Variants in ZNF780A observed in about 807,000 individuals in gnomAD.
The protein encoded by ZNF780A is zinc finger protein 780A.
A neutral mutation model predicts 56.7 loss-of-function variants in ZNF780A; 40 were observed. That is an observed-to-expected ratio of 0.71 (90% CI 0.55 to 0.92). The LOEUF (loss-of-function observed/expected upper bound fraction) is 0.92, where lower values mean the gene tolerates loss of function less well. ZNF780A is among the 40% of genes least tolerant of loss of function. ZNF780A has a pLI of 0.00. For missense variants in ZNF780A, 672 were observed against 783.3 expected (o/e 0.86, Z 1.70); for synonymous variants, 231 against 248.3 (o/e 0.93, Z 0.66).
chr19:40,080,409 G>A (rs896897763), intron 5 of ZNF780A, among the ~76,000 whole-genome samples: 5 of 152,162 alleles, frequency 3.3e-5, no homozygotes, highest in African/African-American at 1.2e-4. Flanking sequence ...ATTCATAATA[G>A]CAAAGACATG....
chr19:40,074,457 T>A lies in ZNF780A; in HGVS notation c.*59A>T, dbSNP rs1377399812. The A allele has an allele frequency of 1.9e-6, 3 of 1,599,540 alleles. No homozygotes were observed. The highest frequency in any genetic ancestry group is 2.6e-6 in the Non-Finnish European group (3 of 1,172,786). On this transcript the variant is annotated 3_prime_UTR_variant, in exon 6 of 6. Transcript: ENST00000683561. ...TCACATGGTTTTACACCAGCACGAA[T>A]ACTCTGATGTTGAACATGGTTTGAG...
chr19:40,083,667 GAAAAAAAAAA>G (rs571135549), intron 3 of ZNF780A, among the ~76,000 whole-genome samples: 3 of 44,670 alleles, frequency 6.7e-5, no homozygotes, highest in South Asian at 7.3e-4. Flanking sequence ...CTGTCTCAGA[GAAAAAAAAAA>G]AAAAAAAAAA....
intron 2 of ZNF780A, among the ~76,000 whole-genome samples, chr19:40,085,994 ATATATG>A (rs908803365): frequency 6.6e-6 from 1 of 151,446 alleles, no homozygotes; most frequent in African/African-American, 2.4e-5. Context: ...ATTTATATAT[ATATATG>A]TGTGTGTGTG....
downstream of ZNF780A, chr19:40,072,778 A>C (rs1973880306): frequency 7.3e-7 from 1 of 1,366,808 alleles, no homozygotes; most frequent in Non-Finnish European, 9.4e-7. Flanking sequence ...CCAGAATTAT[A>C]AGCTAGGGCT....
At chr19:40,069,679 T>C (rs1400733308), downstream of ZNF780A, 1 of 152,160 alleles carries the variant, frequency 6.6e-6, no homozygotes, top group African/African-American at 2.4e-5. Flanking sequence ...TCTAGTATCA[T>C]GTCACACTCA....
chr19:40,086,271 C>A (rs1974790990), intron 2 of ZNF780A, among the ~76,000 whole-genome samples: 1 of 151,978 alleles, frequency 6.6e-6, no homozygotes, highest in Non-Finnish European at 1.5e-5. Flanking sequence ...AAATTGTCTA[C>A]AAGTCCCCAA....
chr19:40,085,451 AC>A (rs1974741220), intron 2 of ZNF780A: 2 of 583,282 alleles, frequency 3.4e-6, no homozygotes, highest in African/African-American at 4.1e-5. Flanking sequence ...TAATATGATT[AC>A]ATTTGTAAAA....
At chr19:40,078,014 T>C (rs1293932986) in intron 5 of ZNF780A, among the ~76,000 whole-genome samples, 3 of 148,418 alleles carry the variant, frequency 2.0e-5, no homozygotes, top group Non-Finnish European at 4.5e-5. Flanking sequence ...AGAAGCTAAG[T>C]GAGATACAAG....
At chr19:40,087,377 G>A (rs1196508049) in intron 2 of ZNF780A, among the ~76,000 whole-genome samples, 3 of 151,998 alleles carry the variant, frequency 2.0e-5, no homozygotes, top group African/African-American at 4.8e-5. Flanking sequence ...CACCCTCCCC[G>A]ACAGCATGAC....
At chr19:40,085,069 T>C (rs1365880529) in intron 2 of ZNF780A, 3 of 884,518 alleles carry the variant, frequency 3.4e-6, no homozygotes, top group Middle Eastern at 5.7e-4. Context: ...TGCCTTGAAG[T>C]TGTGGCTTCC....
At chr19:40,084,693 C>T (rs761090097) in intron 3 of ZNF780A, 52 bp downstream of exon 3, 2 of 1,522,368 alleles carry the variant, frequency 1.3e-6, no homozygotes, top group Admixed American at 4.0e-5. Context: ...ATAACAGTCA[C>T]CTAACCTGAA....
intron 5 of ZNF780A, among the ~76,000 whole-genome samples, chr19:40,079,307 C>A (rs1201843541): frequency 6.6e-6 from 1 of 152,034 alleles, no homozygotes; most frequent in East Asian, 1.9e-4. Flanking sequence ...TCTAAACATA[C>A]TATAATCCCA....
At position 40,075,643 on chromosome 19, in the gene ZNF780A, G is replaced by A; in HGVS notation, c.799C>T (p.His267Tyr). 1 of 1,613,528 alleles carries A rather than the reference G, an allele frequency of 6.2e-7. No homozygotes were observed. The highest frequency in any genetic ancestry group is 8.5e-7 in the Non-Finnish European group (1 of 1,179,862). ...SFNRSSNLVQ[H>Y]QSIHSGVKPY... ...TTTACACCAGAATGAATACTCTGATGTTGAACAAGGTTTGAGCTACGATTA... is the reference window on the plus strand; with the variant it reads ...TTTACACCAGAATGAATACTCTGATATTGAACAAGGTTTGAGCTACGATTA... The change falls in exon 6 of 6, where the codon CAT becomes TAT. Residue 267 changes from histidine (H) to tyrosine (Y), a missense_variant. By Grantham distance (83) the His-to-Tyr change is moderately conservative. Coordinates refer to ENST00000683561, the MANE Select transcript of ZNF780A (RefSeq NM_001142578.2).
In ZNF780A at chr19:40,075,713, G is replaced by A. The variant is rs1442814934; in HGVS notation, c.729C>T (p.His243=). The change falls in exon 6 of 6, where the codon CAC becomes CAT. Residue 243 remains histidine, a synonymous_variant. Coordinates refer to ENST00000683561, the MANE Select transcript of ZNF780A (RefSeq NM_001142578.2). ...TACATTCAAACAGTTTCTCACCTGT[G>A]TGAATGTTCTTATGGCGATTAAGCA... ...LTLLNRHKNI[H]TGEKLFECKE... 1 of 1,613,946 alleles carries A rather than the reference G, an allele frequency of 6.2e-7. No homozygotes were observed. Among genetic ancestry groups the A allele is most frequent in the South Asian group, 1.1e-5 (1 of 91,078 alleles).
chr19:40,074,561 C>A lies in ZNF780A; in HGVS notation c.1881G>T (p.Gln627His). Residue 627 changes from glutamine (Q) to histidine (H), a missense_variant, in exon 6 of 6, where the codon CAG becomes CAT. Physicochemically the swap from Gln to His is conservative, Grantham distance 24. Transcript: ENST00000683561. ...ECGKVFSLPTQLNRHKNIHTG... is the reference protein window; with the variant it reads ...ECGKVFSLPTHLNRHKNIHTG... ...TGTGAATGTTCTTATGGCGATTAAGCTGGGTGGGAAGACTAAAAACCTTTC... is the reference window on the plus strand; with the variant it reads ...TGTGAATGTTCTTATGGCGATTAAGATGGGTGGGAAGACTAAAAACCTTTC... 2 of 1,613,882 alleles carry A rather than the reference C, an allele frequency of 1.2e-6. No homozygotes were observed. The highest frequency in any genetic ancestry group is 1.7e-6 in the Non-Finnish European group (2 of 1,179,908).
At chr19:40,084,066 A>ATT (rs554762129) in intron 3 of ZNF780A, among the ~76,000 whole-genome samples, 1 of 147,360 alleles carries the variant, frequency 6.8e-6, no homozygotes, top group African/African-American at 2.5e-5. Context: ...CAACAGGCTA[A>ATT]TTTTTTTTTT....
At chr19:40,083,266 G>C in intron 3 of ZNF780A, 29 bp from the exon 4 acceptor site, 1 of 1,610,258 alleles carries the variant, frequency 6.2e-7, no homozygotes, top group Non-Finnish European at 8.5e-7. Context: ...GTATAATGGT[G>C]AAACTGAAGA....
intron 2 of ZNF780A, chr19:40,085,229 T>C: frequency 3.0e-6 from 3 of 985,410 alleles, no homozygotes; most frequent in Non-Finnish European, 3.6e-6. Context: ...AAATCAGGAT[T>C]GGGTGCAGTG....
chr19:40,088,672 T>G (rs897926483), intron 2 of ZNF780A, among the ~76,000 whole-genome samples: 1 of 152,126 alleles, frequency 6.6e-6, no homozygotes, highest in African/African-American at 2.4e-5. Flanking sequence ...GGAAATGAAA[T>G]CTGTATGTCA....
Sources: gnomAD v4.1 joint callset for allele counts (sites outside exome capture counted in the v4.1 genomes callset) on GRCh38, gnomAD v4.1.1 for gene constraint, MANE v1.5 for transcripts, NCBI Gene and HGNC (gene_info 2026-07-23, HGNC 2026-07-21) for gene names.